Variants in PSMD1 observed in about 807,000 individuals in gnomAD.
The protein encoded by PSMD1 is proteasome 26S subunit, non-ATPase 1.
PSMD1 carries 18 observed loss-of-function variants against 119.0 expected under a neutral mutation model. That is an observed-to-expected ratio of 0.15 (90% CI 0.10 to 0.22). PSMD1 has a LOEUF of 0.22. Among genes scored for constraint, PSMD1 ranks in the 10% least tolerant of loss-of-function variants. The probability of loss-of-function intolerance (pLI) is 1.00; values close to 1 mark genes in which losing one functional copy is unlikely to be tolerated. For synonymous variants in PSMD1, 374 were observed against 396.6 expected, an observed-to-expected ratio of 0.94 and a Z score of 0.68; for missense variants, 702 against 1,158.5, an observed-to-expected ratio of 0.61 and a Z score of 5.72.
chr2:231,060,414 G>T (rs1024779600), intron 1 of PSMD1: 1 of 152,138 alleles, frequency 6.6e-6, no homozygotes, highest in Non-Finnish European at 1.5e-5. Flanking sequence ...GTTTCAACTC[G>T]GTGTTCTGGA....
chr2:231,058,849 T>C (rs927215267), intron 1 of PSMD1, among the ~76,000 whole-genome samples: 12 of 152,272 alleles, frequency 7.9e-5, no homozygotes, highest in Middle Eastern at 3.4e-3. Context: ...ATCTTTTGTC[T>C]CAACTCAAAT....
rs982824481 is a variant in PSMD1, at chr2:231,170,404, G to A, written c.2716-162G>A. On this transcript the variant is annotated intron_variant, in intron 23 of 24. Coordinates refer to ENST00000308696, the MANE Select transcript of PSMD1 (RefSeq NM_002807.4). This position sits in a 1 kb window ranked among gnomAD's most constrained non-coding sequence, Gnocchi z 4.1. ...ACTGGGTTAAGTTTGCAAATACTTC[G>A]TATAGATCACAGTTATCTTTATCCC... 5.1e-5 allele frequency: 35 copies of A among 682,966 alleles called. No homozygotes were observed. Among genetic ancestry groups the A allele is most frequent in the Non-Finnish European group, 5.8e-5 (26 of 449,844 alleles). 42.3% of individuals were successfully genotyped at this position (682,966 alleles called of 1,614,324 possible).
chr2:231,123,039 G>A (rs1010207570), intron 16 of PSMD1, among the ~76,000 whole-genome samples: 1 of 152,092 alleles, frequency 6.6e-6, no homozygotes, highest in African/African-American at 2.4e-5. Flanking sequence ...ATCTGTCCCG[G>A]AAGTGTCCTA....
intron 16 of PSMD1, among the ~76,000 whole-genome samples, chr2:231,102,653 C>A (rs1326398875): frequency 2.6e-5 from 4 of 151,658 alleles, no homozygotes; most frequent in African/African-American, 9.7e-5. Flanking sequence ...ATTGTCCTCA[C>A]ATTGGGTTGG....
chr2:231,089,182 G>A (rs550329017), intron 16 of PSMD1, among the ~76,000 whole-genome samples: 79 of 152,350 alleles, frequency 5.2e-4, no homozygotes, highest in African/African-American at 1.6e-3. Context: ...GAAAGAAGCT[G>A]TCTCCATAAC....
At chr2:231,141,420 ACTTTTTT>A (rs1696110530) in intron 17 of PSMD1, among the ~76,000 whole-genome samples, 1 of 140,962 alleles carries the variant, frequency 7.1e-6, no homozygotes, top group Non-Finnish European at 1.5e-5. Flanking sequence ...ACCCTGCTAT[ACTTTTTT>A]TTTTTTTTTT....
intron 16 of PSMD1, chr2:231,109,342 A>T (rs139381111): frequency 1.2e-4 from 191 of 1,613,990 alleles, no homozygotes; most frequent in Non-Finnish European, 1.6e-4. Context: ...TTGTCAGCAC[A>T]CAAGTGATAT....
chr2:231,084,474 G>T (rs1168794966), intron 14 of PSMD1, among the ~76,000 whole-genome samples: 1 of 151,590 alleles, frequency 6.6e-6, no homozygotes, highest in Non-Finnish European at 1.5e-5. Context: ...TTTGGGTGAG[G>T]TTTTTTTTCC....
At chr2:231,059,879 T>C (rs1693713068) in intron 1 of PSMD1, among the ~76,000 whole-genome samples, 1 of 152,196 alleles carries the variant, frequency 6.6e-6, no homozygotes, top group Non-Finnish European at 1.5e-5. Flanking sequence ...GTATGGAGTG[T>C]AGAGTATTTG....
chr2:231,137,618 A>G (rs1696005769), intron 16 of PSMD1, among the ~76,000 whole-genome samples: 1 of 151,978 alleles, frequency 6.6e-6, no homozygotes, highest in South Asian at 2.1e-4. Context: ...GTGTGATGCT[A>G]AAGTTTGTGG....
At chr2:231,066,365 C>A (rs1416868175) in intron 4 of PSMD1, among the ~76,000 whole-genome samples, 1 of 152,170 alleles carries the variant, frequency 6.6e-6, no homozygotes, top group Non-Finnish European at 1.5e-5. Flanking sequence ...GCAAAGAAGT[C>A]CGATATACTA....
intron 16 of PSMD1, among the ~76,000 whole-genome samples, chr2:231,095,558 G>A (rs1694702826): frequency 6.6e-6 from 1 of 152,180 alleles, no homozygotes; most frequent in Non-Finnish European, 1.5e-5. Context: ...AGCAAAGCTT[G>A]ATTGACATGA....
intron 16 of PSMD1, among the ~76,000 whole-genome samples, chr2:231,088,147 T>C (rs1559225307): frequency 6.6e-6 from 1 of 152,170 alleles, no homozygotes; most frequent in Non-Finnish European, 1.5e-5. Context: ...TGAATTAATA[T>C]ATATATGCAA....
Position 231,146,332 on chromosome 2 carries a change from G to A in PSMD1, c.2091G>A (p.Gln697=), listed in dbSNP as rs1696251042. 6.2e-7 allele frequency: 1 copy of A among 1,613,228 alleles called. No individual in the cohort carries two copies. The highest frequency in any genetic ancestry group is 8.5e-7 in the Non-Finnish European group (1 of 1,179,356). Residue 697 remains glutamine (Q), a synonymous_variant, in exon 18 of 25, where the codon CAG becomes CAA. Transcript: ENST00000308696. ...TAGCTTCAGCTCTCATCATGATCCAGCAGACTGAAATCACTTGTCCAAAGG... is the reference window on the plus strand; with the variant it reads ...TAGCTTCAGCTCTCATCATGATCCAACAGACTGAAATCACTTGTCCAAAGG... ...ALIASALIMI[Q]QTEITCPKVN...
At chr2:231,080,834 A>G (rs1406059409) in intron 12 of PSMD1, among the ~76,000 whole-genome samples, 2 of 152,172 alleles carry the variant, frequency 1.3e-5, no homozygotes, top group African/African-American at 2.4e-5. Context: ...CCTTGCCCTC[A>G]TGCATAAGTG....
intron 16 of PSMD1, among the ~76,000 whole-genome samples, chr2:231,118,141 T>C (rs1695406731): frequency 6.6e-6 from 1 of 151,860 alleles, no homozygotes; most frequent in East Asian, 1.9e-4. Flanking sequence ...ACCTGTTTTA[T>C]AGGATTTCTT....
At chr2:231,157,945 TC>T (rs1180051802) in intron 19 of PSMD1, among the ~76,000 whole-genome samples, 3 of 152,132 alleles carry the variant, frequency 2.0e-5, no homozygotes, top group Non-Finnish European at 4.4e-5. Context: ...CTTTTTAATA[TC>T]CTATCCTCGT....
At chr2:231,062,967 T>C (rs1354573572) in intron 4 of PSMD1, among the ~76,000 whole-genome samples, 1 of 152,194 alleles carries the variant, frequency 6.6e-6, no homozygotes, top group Admixed American at 6.5e-5. Context: ...TTTTTTCGAA[T>C]ACAGGAAACC....
At chr2:231,100,025 C>T (rs1317886090) in intron 16 of PSMD1, among the ~76,000 whole-genome samples, 6 of 152,032 alleles carry the variant, frequency 3.9e-5, no homozygotes, top group Non-Finnish European at 7.4e-5. Flanking sequence ...TTGCTGAGAG[C>T]TCGGGTTATT....
Sources: gnomAD v4.1 joint callset for allele counts (sites outside exome capture counted in the v4.1 genomes callset) on GRCh38, gnomAD v4.1.1 for gene constraint, Gnocchi (gnomAD v3.1) non-coding constraint, MANE v1.5 for transcripts, NCBI Gene and HGNC (gene_info 2026-07-23, HGNC 2026-07-21) for gene names.